CLRN2: variants seen among roughly 807,000 people sequenced by gnomAD.
CLRN2 encodes clarin-2.
In CLRN2, 17 loss-of-function variants were observed where a neutral mutation model predicts 20.1. The observed-to-expected ratio is 0.85, with a 90% CI of 0.58 to 1.27. The LOEUF (loss-of-function observed/expected upper bound fraction) is 1.27. Ranked by LOEUF, CLRN2 falls within the 50% of genes most tolerant of loss-of-function variation. The probability of loss-of-function intolerance (pLI) is 0.00; values close to 1 mark genes in which losing one functional copy is unlikely to be tolerated. For synonymous variants in CLRN2, 140 were observed against 126.9 expected, an observed-to-expected ratio of 1.10 and a Z score of -0.70; for missense variants, 288 against 299.5, an observed-to-expected ratio of 0.96 and a Z score of 0.28.
intron 1 of CLRN2, 147 bp downstream of exon 1, chr4:17,515,666 C>T (rs1711649665): frequency 1.2e-6 from 1 of 842,824 alleles, no homozygotes; most frequent in East Asian, 2.7e-5. Flanking sequence ...GTTCTGGATC[C>T]ACATCAAAAA....
Position 17,515,313 on chromosome 4 carries a change from T to C in CLRN2, c.47T>C (p.Leu16Pro). ...GCGTGGTATGGGCTGGCGTCTTTAC[T>C]CAGCTTCTCCTCCTTCATCCTGATC... is the stretch of plus-strand genomic sequence containing the variant. ...KKAWYGLASL[L>P]SFSSFILIIV... The change falls in exon 1 of 3, where the codon CTC (leucine) becomes CCC (proline). Residue 16 changes from leucine to proline, a missense_variant. By Grantham distance (98) the Leu-to-Pro change is moderately conservative. Coordinates refer to ENST00000511148, the MANE Select transcript of CLRN2 (RefSeq NM_001079827.2). The C allele has an allele frequency of 6.2e-7, 1 of 1,614,050 alleles. No homozygotes were observed. Among genetic ancestry groups the C allele is most frequent in the Non-Finnish European group, 8.5e-7 (1 of 1,179,902 alleles).
chr4:17,525,676 A>G (rs562946219), intron 2 of CLRN2, among the ~76,000 whole-genome samples: 2 of 152,250 alleles, frequency 1.3e-5, no homozygotes, highest in South Asian at 2.1e-4. Context: ...ACAGACAATA[A>G]AGTCATTCTG....
chr4:17,524,091 C>T (rs1711899583), intron 2 of CLRN2, among the ~76,000 whole-genome samples: 1 of 151,974 alleles, frequency 6.6e-6, no homozygotes, highest in African/African-American at 2.4e-5. Context: ...CAATGAGTGG[C>T]AGAGGTGGTA....
intron 1 of CLRN2, among the ~76,000 whole-genome samples, chr4:17,522,060 C>T (rs1711848453): frequency 6.6e-6 from 1 of 152,082 alleles, no homozygotes; most frequent in Non-Finnish European, 1.5e-5. Flanking sequence ...AGTTGCCTTC[C>T]CCAAACACAA....
chr4:17,517,422 TA>T (rs1198851505), intron 1 of CLRN2, among the ~76,000 whole-genome samples: 1 of 152,072 alleles, frequency 6.6e-6, no homozygotes, highest in Non-Finnish European at 1.5e-5. Flanking sequence ...CCCCAACAGG[TA>T]AATCGTTGAA....
Position 17,526,951 on chromosome 4 carries a change from T to C in CLRN2, c.568T>C (p.Trp190Arg), listed in dbSNP as rs1301348949. The C allele has an allele frequency of 1.8e-5, 29 of 1,613,944 alleles. No individual in the cohort carries two copies. Among genetic ancestry groups the C allele is most frequent in the Middle Eastern group, 1.6e-4 (1 of 6,084 alleles). Residue 190 changes from tryptophan to arginine, a missense_variant, in exon 3 of 3, where the codon TGG (tryptophan) becomes CGG (arginine). By Grantham distance (101) the Trp-to-Arg change is moderately radical. Coordinates refer to ENST00000511148, the MANE Select transcript of CLRN2 (RefSeq NM_001079827.2). The stretch of plus-strand genomic sequence containing the variant: ...GGAAGAACAGTATGAAGAGTCGTTT[T>C]GGATCTGCGTGGCCAGCGCTTCGGC... Reference protein sequence around the residue: ...VVEEQYEESFWICVASASAHA... With the variant: ...VVEEQYEESFRICVASASAHA...
At chr4:17,518,221 T>C (rs1407583396) in intron 1 of CLRN2, among the ~76,000 whole-genome samples, 1 of 152,124 alleles carries the variant, frequency 6.6e-6, no homozygotes, top group Non-Finnish European at 1.5e-5. Context: ...CCCAGGGGAA[T>C]AAATTCCCAC....
chr4:17,523,197 T>C (rs1203897126), intron 2 of CLRN2, among the ~76,000 whole-genome samples, 154 bp downstream of exon 2: 1 of 149,672 alleles, frequency 6.7e-6, no homozygotes, highest in Non-Finnish European at 1.5e-5. Context: ...GGAATGAATG[T>C]CCTCTTTTTC....
At chr4:17,523,125 G>A (rs942146919) in intron 2 of CLRN2, 82 bp downstream of exon 2, 5 of 1,256,590 alleles carry the variant, frequency 4.0e-6, no homozygotes, top group Non-Finnish European at 5.4e-6. Flanking sequence ...AAGGTGTGAA[G>A]GAACTAAAAT....
intron 1 of CLRN2, 22 bp from the exon 2 acceptor site, chr4:17,522,842 T>C (rs780076796): frequency 1.7e-5 from 28 of 1,606,188 alleles, no homozygotes; most frequent in African/African-American, 1.1e-4. Flanking sequence ...ATTGAAATAG[T>C]GGCTGTGTCT....
chr4:17,520,417 T>C (rs1711812118), intron 1 of CLRN2, among the ~76,000 whole-genome samples: 1 of 152,238 alleles, frequency 6.6e-6, no homozygotes, highest in Non-Finnish European at 1.5e-5. Flanking sequence ...TTTGCTATTG[T>C]AATGAATATC....
rs768548630 is a variant in CLRN2, at chr4:17,526,966, A to G, written c.583A>G (p.Ser195Gly). ...AGAGTCGTTTTGGATCTGCGTGGCC[A>G]GCGCTTCGGCCCATGCTGCAAACTT... ...YEESFWICVASASAHAANLVV... is the reference protein window; with the variant it reads ...YEESFWICVAGASAHAANLVV... Residue 195 changes from serine (S) to glycine (G), a missense_variant, in exon 3 of 3, where the codon AGC becomes GGC. Coordinates refer to ENST00000511148, the MANE Select transcript of CLRN2 (RefSeq NM_001079827.2). 3.1e-6 allele frequency: 5 copies of G among 1,613,270 alleles called. No individual in the cohort carries two copies. The highest frequency in any genetic ancestry group is 1.7e-4 in the Middle Eastern group (1 of 6,060).
chr4:17,515,214 C>A lies in CLRN2; in HGVS notation c.-53C>A. The A allele has an allele frequency of 1.3e-6, 2 of 1,593,470 alleles. No homozygotes were observed. The highest frequency in any genetic ancestry group is 1.1e-5 in the South Asian group (1 of 88,268). On this transcript the variant is annotated 5_prime_UTR_variant, in exon 1 of 3. It introduces an in-frame stop codon into an upstream open reading frame of the 5' UTR. Transcript: ENST00000511148. ...GCATTGCCGAGTATCTGAAAGATGT[C>A]AATGACCCTCGCTGCTGCTCGGAGA...
At chr4:17,516,053 C>T (rs1340731990) in intron 1 of CLRN2, among the ~76,000 whole-genome samples, 2 of 152,150 alleles carry the variant, frequency 1.3e-5, no homozygotes, top group Non-Finnish European at 2.9e-5. Flanking sequence ...GCATGATGAC[C>T]CTTTCCACAT....
At chr4:17,526,198 G>C (rs1008136900) in intron 2 of CLRN2, among the ~76,000 whole-genome samples, 1 of 152,182 alleles carries the variant, frequency 6.6e-6, no homozygotes, top group South Asian at 2.1e-4. Flanking sequence ...GAAATCCTAG[G>C]ATATTTTAGA....
intron 1 of CLRN2, among the ~76,000 whole-genome samples, chr4:17,515,904 G>A (rs189198589): frequency 6.6e-6 from 1 of 152,264 alleles, no homozygotes; most frequent in Non-Finnish European, 1.5e-5. Flanking sequence ...TTTTCCAGAG[G>A]AGTACACTGA....
chr4:17,526,791 A>G (rs770098167), intron 2 of CLRN2, 26 bp from the exon 3 acceptor site: 1 of 1,611,378 alleles, frequency 6.2e-7, no homozygotes, highest in Non-Finnish European at 8.5e-7. Flanking sequence ...GGAGCCGTGA[A>G]TGAGGGTGAC....
At chr4:17,526,758 C>T in intron 2 of CLRN2, 59 bp from the exon 3 acceptor site, 2 of 1,592,758 alleles carry the variant, frequency 1.3e-6, no homozygotes. Flanking sequence ...ACAGAAATGC[C>T]ACCTCTTACA....
At chr4:17,516,828 G>A (rs1200734184) in intron 1 of CLRN2, among the ~76,000 whole-genome samples, 1 of 152,154 alleles carries the variant, frequency 6.6e-6, no homozygotes, top group Non-Finnish European at 1.5e-5. Context: ...GGATGTCTTC[G>A]GGACTTTAGG....
Sources: allele counts gnomAD v4.1 joint callset (sites outside exome capture counted in the v4.1 genomes callset), GRCh38; gene constraint gnomAD v4.1.1; transcripts MANE v1.5; gene names NCBI Gene and HGNC (gene_info 2026-07-23, HGNC 2026-07-21).